SH3TC2: variants seen among roughly 807,000 people sequenced by gnomAD.
The protein encoded by SH3TC2 is SH3 domain and tetratricopeptide repeats 2, also known as SH3 domain and tetratricopeptide repeat-containing protein 2.
Under a neutral mutation model 124.5 loss-of-function variants are expected in SH3TC2, and 87 were observed. The ratio of observed to expected loss-of-function variants is 0.70; its 90% CI spans 0.59 to 0.84. The LOEUF (loss-of-function observed/expected upper bound fraction) is 0.84. SH3TC2 is among the 40% of genes least tolerant of loss of function. The pLI, the probability that SH3TC2 is intolerant of heterozygous loss-of-function variation, is 0.00. For missense variants in SH3TC2, 1,536 were observed against 1,566.4 expected (o/e 0.98, Z 0.33); for synonymous variants, 634 against 628.5 (o/e 1.01, Z -0.13).
intron 16 of SH3TC2, among the ~76,000 whole-genome samples, chr5:149,005,380 G>A (rs555130583): frequency 1.3e-5 from 2 of 152,226 alleles, no homozygotes; most frequent in Non-Finnish European, 2.9e-5. Context: ...AATACAATGA[G>A]AGGTGGGGAA....
Position 149,041,528 on chromosome 5 carries a change from A to T in SH3TC2, c.619T>A (p.Ser207Thr), listed in dbSNP as rs146293456. Reference protein sequence around the residue: ...CLTLCKNELISVKMAEAGSEL... With the variant: ...CLTLCKNELITVKMAEAGSEL... ...GAGCCAGCTTCTGCCATCTTCACTG[A>T]GATTAACTCATTCTTGCAAAGTGTC... is the stretch of plus-strand genomic sequence containing the variant. Residue 207 changes from serine to threonine, a missense_variant, in exon 6 of 17, where the codon TCA becomes ACA. By Grantham distance (58) the Ser-to-Thr change is moderately conservative. Around this residue, in one of 3 missense-constraint regions of SH3TC2, gnomAD observed 1,102 missense variants for 1,098.6 expected, o/e 1.00. Transcript: ENST00000515425. 6.2e-6 allele frequency: 10 copies of T among 1,614,174 alleles called. No homozygotes were observed. The East Asian group carries it at 2.2e-4, about 36-fold the overall frequency.
In SH3TC2 at chr5:149,007,378, T is replaced by A. The variant is rs927290567; in HGVS notation, c.3479-301A>T. On this transcript the variant is annotated intron_variant, in intron 15 of 16. Transcript: ENST00000515425. The stretch of plus-strand genomic sequence containing the variant: ...ATGGGTCAAGGTTTCCTGGAGTGAT[T>A]CCCAGAAGAAAATTTTCTCCTTATT... 11 of 586,898 alleles carry A rather than the reference T, an allele frequency of 1.9e-5. No homozygotes were observed. The Admixed American group carries it at 3.3e-4, about 18-fold the overall frequency. The allele number at this position is 586,898 out of a possible 1,614,324, so 36.4% of individuals were successfully genotyped here. A position where few individuals can be genotyped will look rare whatever the true frequency, so the allele number is the denominator to read the frequency against.
chr5:149,012,471 G>A (rs1437525778), intron 13 of SH3TC2, 113 bp downstream of exon 13: 2 of 1,370,670 alleles, frequency 1.5e-6, no homozygotes, highest in Non-Finnish European at 2.1e-6. Context: ...TTCTCCACAG[G>A]CTTAGGGTGA....
At chr5:149,042,600 T>C (rs1368287131) in intron 5 of SH3TC2, 94 bp downstream of exon 5, 2 of 1,502,312 alleles carry the variant, frequency 1.3e-6, no homozygotes, top group East Asian at 2.3e-5. Flanking sequence ...CATGTTTGAA[T>C]GATTTTTCCC....
chr5:149,008,603 A>G, intron 15 of SH3TC2: 1 of 569,436 alleles, frequency 1.8e-6, no homozygotes, highest in Non-Finnish European at 3.1e-6. Context: ...TGGCTGTTAC[A>G]TGGATAATCA....
At chr5:149,045,894 CT>C in intron 3 of SH3TC2, 1 of 341,366 alleles carries the variant, frequency 2.9e-6, no homozygotes, top group Admixed American at 3.8e-5. Flanking sequence ...ATCCACCCAC[CT>C]TGGCCTCCCA....
At chr5:149,040,972 TG>T (rs1428499867) in intron 6 of SH3TC2, among the ~76,000 whole-genome samples, 5 of 152,184 alleles carry the variant, frequency 3.3e-5, no homozygotes, top group African/African-American at 9.7e-5. Context: ...GTCCATGGTG[TG>T]GGGTAATGTT....
chr5:148,990,081 A>C lies in SH3TC2; in HGVS notation c.*14630T>G, dbSNP rs1395693370. Among the ~76,000 whole-genome samples, 1 of 151,900 alleles carries C rather than the reference A, an allele frequency of 6.6e-6. No individual in the cohort carries two copies. Among genetic ancestry groups the C allele is most frequent in the Admixed American group, 6.6e-5 (1 of 15,256 alleles). On this transcript the variant is annotated 3_prime_UTR_variant, in exon 17 of 17. Transcript: ENST00000515425. Reference sequence around the variant, plus strand: ...AAGCCAGTTTTCCCTGCTTTCTCTCATGGGTGAACCATCCTGGGGAAACTG... The same window carrying C: ...AAGCCAGTTTTCCCTGCTTTCTCTCCTGGGTGAACCATCCTGGGGAAACTG...
chr5:149,031,773 A>C, intron 8 of SH3TC2, 86 bp from the exon 9 acceptor site: 1 of 1,584,484 alleles, frequency 6.3e-7, no homozygotes, highest in Non-Finnish European at 8.6e-7. Context: ...GATGTAGTGG[A>C]GGATGCAGAA....
rs151009208 is a variant in SH3TC2 at position 148,991,080 on chromosome 5, C to A, written c.*13631G>T. On this transcript the variant is annotated 3_prime_UTR_variant, in exon 17 of 17. Coordinates refer to ENST00000515425, the MANE Select transcript of SH3TC2 (RefSeq NM_024577.4). The stretch of plus-strand genomic sequence containing the variant: ...ACACTTTCCAGGGGACTTTCAAAAC[C>A]CCAATCCCTCAGAAGCCCCAAAACG... 6.6e-6 allele frequency among the ~76,000 whole-genome samples: 1 copy of A among 152,124 alleles called. No homozygotes were observed. Among genetic ancestry groups the A allele is most frequent in the Non-Finnish European group, 1.5e-5 (1 of 68,036 alleles).
intron 3 of SH3TC2, 103 bp from the exon 4 acceptor site, chr5:149,044,741 T>C: frequency 1.2e-6 from 1 of 862,536 alleles, no homozygotes; most frequent in East Asian, 2.6e-5. Flanking sequence ...GATTATGGCA[T>C]TGATTTTTAC....
At chr5:149,062,051 T>C (rs1400952703) in intron 1 of SH3TC2, among the ~76,000 whole-genome samples, 4 of 152,088 alleles carry the variant, frequency 2.6e-5, no homozygotes, top group Non-Finnish European at 4.4e-5. Flanking sequence ...AAGAAAGTTG[T>C]CTGTCAGAGA....
At position 149,010,298 on chromosome 5, in the gene SH3TC2, T is replaced by C. The variant is rs781410742; in HGVS notation, c.3299A>G (p.His1100Arg). 1 of 1,614,220 alleles carries C rather than the reference T, an allele frequency of 6.2e-7. No individual in the cohort carries two copies. Among genetic ancestry groups the C allele is most frequent in the South Asian group, 1.1e-5 (1 of 91,084 alleles). ...GTAGTACTCCACTGCATGATGCCTG[T>C]GGCGGGTCCCATTGAAGAACACATC... Reference protein sequence around the residue: ...AGDVFFNGTRHRHHAVEYYRA... With the variant: ...AGDVFFNGTRRRHHAVEYYRA... Residue 1100 changes from histidine (H) to arginine (R), a missense_variant, in exon 14 of 17, where the codon CAC becomes CGC. Physicochemically the swap from His to Arg is conservative, Grantham distance 29 (BLOSUM62 0). This residue lies in a region of SH3TC2 where 426 missense variants were observed against 443.5 expected (regional missense o/e 0.96). Transcript: ENST00000515425.
Position 148,982,543 on chromosome 5 carries a change from G to C in SH3TC2, c.*22168C>G, listed in dbSNP as rs886060092. On this transcript the variant is annotated 3_prime_UTR_variant, in exon 17 of 17. Transcript: ENST00000515425. ...TAAACTGTTATTCCCATCATGCAAG[G>C]AGATACTTTACAGCTGTAAAAATGA... Among the ~76,000 whole-genome samples the C allele has an allele frequency of 3.3e-5, 5 of 152,116 alleles. No individual in the cohort carries two copies. In the East Asian group the frequency reaches 7.7e-4, roughly 23 times the overall value.
At chr5:149,053,066 T>C (rs1437106773) in intron 1 of SH3TC2, among the ~76,000 whole-genome samples, 1 of 152,232 alleles carries the variant, frequency 6.6e-6, no homozygotes, top group Non-Finnish European at 1.5e-5. Context: ...GGAGTCAGAA[T>C]GTGATAAGTA....
At position 148,986,574 on chromosome 5, in the gene SH3TC2, G is replaced by A. The variant is rs1249598789; in HGVS notation, c.*18137C>T. ...AACTACATTGCTTAGAATGCAGTAA[G>A]TTCTTAATAAATGCTTGTTGAATTA... On this transcript the variant is annotated 3_prime_UTR_variant, in exon 17 of 17. Coordinates refer to ENST00000515425, the MANE Select transcript of SH3TC2 (RefSeq NM_024577.4). Among the ~76,000 whole-genome samples, 1 of 152,230 alleles carries A rather than the reference G, an allele frequency of 6.6e-6. No individual in the cohort carries two copies. Among genetic ancestry groups the A allele is most frequent in the Non-Finnish European group, 1.5e-5 (1 of 68,038 alleles).
rs1047178656 is a variant in SH3TC2 at position 149,000,078 on chromosome 5, G to A, written c.*4633C>T. On this transcript the variant is annotated 3_prime_UTR_variant, in exon 17 of 17. Coordinates refer to ENST00000515425, the MANE Select transcript of SH3TC2 (RefSeq NM_024577.4). ...CTCCAGAAAGCCCTTCCTGATGCCC[G>A]TAACCCTGTCTGGGTAAAATCCCTT... Among the ~76,000 whole-genome samples, 7 of 152,208 alleles carry A rather than the reference G, an allele frequency of 4.6e-5. No individual in the cohort carries two copies. Among genetic ancestry groups the A allele is most frequent in the South Asian group, 2.1e-4 (1 of 4,810 alleles).
Position 148,998,943 on chromosome 5 carries a change from C to G in SH3TC2, c.*5768G>C, listed in dbSNP as rs1203343649. ...TGAGAGGCCCAGTAGCAAAGAGCACCCCTAACATACACACCCTCCCGCTTA... is the reference window on the plus strand; with the variant it reads ...TGAGAGGCCCAGTAGCAAAGAGCACGCCTAACATACACACCCTCCCGCTTA... On this transcript the variant is annotated 3_prime_UTR_variant, in exon 17 of 17. Coordinates refer to ENST00000515425, the MANE Select transcript of SH3TC2 (RefSeq NM_024577.4). 6.6e-6 allele frequency among the ~76,000 whole-genome samples: 1 copy of G among 152,034 alleles called. No individual in the cohort carries two copies. The highest frequency in any genetic ancestry group is 1.9e-4 in the East Asian group (1 of 5,190).
rs1268543377 is a variant in SH3TC2, at chr5:149,006,976, A to G, written c.3580T>C (p.Ser1194Pro). 1 of 1,614,140 alleles carries G rather than the reference A, an allele frequency of 6.2e-7. No individual in the cohort carries two copies. The highest frequency in any genetic ancestry group is 8.5e-7 in the Non-Finnish European group (1 of 1,180,004). Residue 1194 changes from serine (S) to proline (P), a missense_variant, in exon 16 of 17, where the codon TCC (serine) becomes CCC (proline). Physicochemically the swap from Ser to Pro is moderately conservative, Grantham distance 74 (BLOSUM62 -1). Around this residue, in one of 3 missense-constraint regions of SH3TC2, gnomAD observed 426 missense variants for 443.5 expected, o/e 0.96. Coordinates refer to ENST00000515425, the MANE Select transcript of SH3TC2 (RefSeq NM_024577.4). ...MAEDCYLKTLSLCPPWLQSPK... is the reference protein window; with the variant it reads ...MAEDCYLKTLPLCPPWLQSPK... ...CTCTGCAGCCATGGTGGACAGAGGGACAGGGTCTTCAGGTAGCAGTCCTCA... is the reference window on the plus strand; with the variant it reads ...CTCTGCAGCCATGGTGGACAGAGGGGCAGGGTCTTCAGGTAGCAGTCCTCA...
Sources: gnomAD v4.1 joint callset for allele counts (sites outside exome capture counted in the v4.1 genomes callset) on GRCh38, gnomAD v4.1.1 for gene constraint, gnomAD v4.1.1 regional missense constraint, MANE v1.5 for transcripts, NCBI Gene and HGNC (gene_info 2026-07-23, HGNC 2026-07-21) for gene names.